The following CNTNAP5 variants were observed in gnomAD, a reference collection of about 807,000 sequenced individuals.
CNTNAP5 encodes contactin-associated protein-like 5.
CNTNAP5 carries 72 observed loss-of-function variants against 150.2 expected under a neutral mutation model. That is an observed-to-expected ratio of 0.48 (90% confidence interval 0.40 to 0.58). The LOEUF (loss-of-function observed/expected upper bound fraction) is 0.58, where lower values mean the gene tolerates loss of function less well. CNTNAP5 is among the 20% of genes least tolerant of loss of function. CNTNAP5 has a pLI of 0.00. For missense variants in CNTNAP5, 1,636 were observed against 1,626.2 expected, an observed-to-expected ratio of 1.01 and a Z score of -0.10; for synonymous variants, 672 against 619.8, an observed-to-expected ratio of 1.08 and a Z score of -1.25.
intron 11 of CNTNAP5, among the ~76,000 whole-genome samples, chr2:124,576,967 G>C (rs1696296398): frequency 6.6e-6 from 1 of 152,154 alleles, no homozygotes; most frequent in Non-Finnish European, 1.5e-5. Context: ...TCTATGTTTG[G>C]AAGGGACTTT....
chr2:124,703,484 A>G (rs1307053286), intron 13 of CNTNAP5, among the ~76,000 whole-genome samples: 1 of 152,202 alleles, frequency 6.6e-6, no homozygotes, highest in Non-Finnish European at 1.5e-5. Flanking sequence ...TACGAGTATC[A>G]TAAAAGAAGT....
chr2:124,412,814 G>A (rs1287754049), intron 3 of CNTNAP5, among the ~76,000 whole-genome samples: 2 of 95,838 alleles, frequency 2.1e-5, no homozygotes, highest in African/African-American at 8.5e-5. Context: ...CAGGACATAG[G>A]CATGGGCAAG....
chr2:124,167,059 G>A (rs866029435), intron 1 of CNTNAP5, among the ~76,000 whole-genome samples: 12 of 151,786 alleles, frequency 7.9e-5, no homozygotes, highest in South Asian at 2.1e-4. Flanking sequence ...TTGTCCTGTC[G>A]TCTTCTCTAA....
At chr2:124,426,512 T>C (rs960734433) in intron 4 of CNTNAP5, among the ~76,000 whole-genome samples, 46 of 152,220 alleles carry the variant, frequency 3.0e-4, no homozygotes, top group Non-Finnish European at 8.8e-5. Flanking sequence ...TGTAATTGTA[T>C]TGAAAATCAT....
At chr2:124,618,903 AC>A in intron 12 of CNTNAP5, among the ~76,000 whole-genome samples, 1 of 152,224 alleles carries the variant, frequency 6.6e-6, no homozygotes, top group East Asian at 1.9e-4. Context: ...AGAAAAGACC[AC>A]TCTTTATGGG....
At chr2:124,478,789 A>G (rs780142377) in intron 7 of CNTNAP5, among the ~76,000 whole-genome samples, 7 of 152,194 alleles carry the variant, frequency 4.6e-5, no homozygotes, top group Non-Finnish European at 1.0e-4. Flanking sequence ...TACAGTTATT[A>G]GGCCTTGGGA....
chr2:124,092,780 T>C (rs962239899), intron 1 of CNTNAP5, among the ~76,000 whole-genome samples: 2 of 152,234 alleles, frequency 1.3e-5, no homozygotes, highest in African/African-American at 2.4e-5. Flanking sequence ...TGCTTTTTAA[T>C]GTAATTTTCA....
intron 3 of CNTNAP5, among the ~76,000 whole-genome samples, chr2:124,339,408 T>G (rs1689554179): frequency 6.6e-6 from 1 of 152,122 alleles, no homozygotes; most frequent in Non-Finnish European, 1.5e-5. Flanking sequence ...GTTACAAGTT[T>G]GTTGACTAGG....
At chr2:124,041,256 AT>A (rs1188492789) in intron 1 of CNTNAP5, among the ~76,000 whole-genome samples, 1 of 152,166 alleles carries the variant, frequency 6.6e-6, no homozygotes, top group African/African-American at 2.4e-5. Flanking sequence ...ATAAATATCA[AT>A]TTTTGTTGGC....
At chr2:124,651,360 A>G (rs1333029279) in intron 13 of CNTNAP5, among the ~76,000 whole-genome samples, 1 of 152,230 alleles carries the variant, frequency 6.6e-6, no homozygotes, top group Non-Finnish European at 1.5e-5. Context: ...TGGATACAAT[A>G]TAAGAAGGCA....
intron 1 of CNTNAP5, among the ~76,000 whole-genome samples, chr2:124,181,110 T>C (rs1685198032): frequency 1.3e-5 from 2 of 152,204 alleles, no homozygotes; most frequent in South Asian, 4.1e-4. Flanking sequence ...AAGTTTCTTC[T>C]GTGTTCACAT....
intron 17 of CNTNAP5, among the ~76,000 whole-genome samples, chr2:124,784,583 A>T (rs533298508): frequency 5.3e-5 from 8 of 152,356 alleles, no homozygotes; most frequent in Non-Finnish European, 1.2e-4. Flanking sequence ...GTTGTCAAAA[A>T]GACTGATAGA....
chr2:124,693,602 G>A (rs1382150498), intron 13 of CNTNAP5, among the ~76,000 whole-genome samples: 1 of 151,954 alleles, frequency 6.6e-6, no homozygotes, highest in Non-Finnish European at 1.5e-5. Flanking sequence ...TACTTTACAC[G>A]TGTTAGTTAC....
chr2:124,643,549 A>G (rs371460231), intron 12 of CNTNAP5, among the ~76,000 whole-genome samples: 4 of 152,208 alleles, frequency 2.6e-5, no homozygotes, highest in African/African-American at 9.6e-5. Context: ...CTATATTACA[A>G]GAAATCACAG....
At chr2:124,600,562 G>A (rs774625874) in intron 11 of CNTNAP5, among the ~76,000 whole-genome samples, 54 of 152,134 alleles carry the variant, frequency 3.5e-4, no homozygotes, top group Non-Finnish European at 6.0e-4. Flanking sequence ...CATGTAAAAT[G>A]TCTGTTGTGG....
intron 2 of CNTNAP5, among the ~76,000 whole-genome samples, chr2:124,223,969 G>C (rs529719797): frequency 6.6e-6 from 1 of 151,808 alleles, no homozygotes; most frequent in South Asian, 2.1e-4. Flanking sequence ...GCCCAACCAC[G>C]GCCCTCAGTG....
chr2:124,683,533 T>C (rs1679118490), intron 13 of CNTNAP5, among the ~76,000 whole-genome samples: 1 of 152,182 alleles, frequency 6.6e-6, no homozygotes, highest in African/African-American at 2.4e-5. Flanking sequence ...GTCTCTTACC[T>C]GCCTCCCACC....
chr2:124,860,443 C>T (rs1281940505), intron 19 of CNTNAP5, among the ~76,000 whole-genome samples: 1 of 129,090 alleles, frequency 7.7e-6, no homozygotes, highest in African/African-American at 3.8e-5. Flanking sequence ...TTCCTTCCTT[C>T]CTTCCTTCTT....
intron 21 of CNTNAP5, among the ~76,000 whole-genome samples, chr2:124,901,723 A>G (rs1022546385): frequency 1.3e-5 from 2 of 152,208 alleles, no homozygotes; most frequent in African/African-American, 4.8e-5. Context: ...CAGCCACATA[A>G]CAATACACGA....
Sources: gnomAD v4.1 joint callset for allele counts (sites outside exome capture counted in the v4.1 genomes callset) on GRCh38, gnomAD v4.1.1 for gene constraint, MANE v1.5 for transcripts, NCBI Gene and HGNC (gene_info 2026-07-23, HGNC 2026-07-21) for gene names.